The following MAPKBP1 variants were observed in gnomAD, a reference collection of about 807,000 sequenced individuals.
MAPKBP1 encodes the protein mitogen-activated protein kinase binding protein 1.
MAPKBP1 carries 71 observed loss-of-function variants against 170.5 expected under a neutral mutation model. The observed-to-expected ratio is 0.42, with a 90% CI of 0.34 to 0.51. The LOEUF is 0.51. MAPKBP1 is among the 20% of genes least tolerant of loss of function. MAPKBP1 has a pLI of 0.06. For missense variants in MAPKBP1, 1,598 were observed against 1,933.0 expected, an observed-to-expected ratio of 0.83 and a Z score of 3.25; for synonymous variants, 719 against 757.9, an observed-to-expected ratio of 0.95 and a Z score of 0.84.
rs1439119997 is a variant in MAPKBP1, at chr15:41,810,935, A to G, written c.259A>G (p.Asn87Asp). The G allele has an allele frequency of 6.2e-7, 1 of 1,614,162 alleles. No homozygotes were observed. The highest frequency in any genetic ancestry group is 8.5e-7 in the Non-Finnish European group (1 of 1,180,032). ...GAAACACAAACAGCACCACATCCTC[A>G]ACAGTTCCAGGTAAATGGGCTGGGG... ...PRKHKQHHIL[N>D]SSRKTITALA... The change falls in exon 4 of 31, where the codon AAC becomes GAC. Residue 87 changes from asparagine (N) to aspartate (D), a missense_variant. Around this residue, in one of 6 missense-constraint regions of MAPKBP1, gnomAD observed 151 missense variants for 191.4 expected, o/e 0.79. Coordinates refer to ENST00000457542, the MANE Select transcript of MAPKBP1 (RefSeq NM_014994.3).
Position 41,817,055 on chromosome 15 carries a change from GAC to G in MAPKBP1, c.1711+24_1711+25del, listed in dbSNP as rs768448579. The G allele has an allele frequency of 3.2e-6, 5 of 1,561,206 alleles. No individual in the cohort carries two copies. In the South Asian group the frequency reaches 3.6e-5, roughly 11 times the overall value. The stretch of plus-strand genomic sequence containing the variant: ...TTGCAGGTGCGGGCAGGGTGAATGA[GAC>G]ACATCCTGCCACTCTCACCCCTGCT... On this transcript the variant is annotated intron_variant, in intron 14 of 30. Coordinates refer to ENST00000457542, the MANE Select transcript of MAPKBP1 (RefSeq NM_014994.3). This position sits in a 1 kb window ranked among gnomAD's most constrained non-coding sequence, Gnocchi z 4.2.
rs1466798451 is a variant in MAPKBP1, at chr15:41,818,403, C to T, written c.2092+98C>T. On this transcript the variant is annotated intron_variant, in intron 18 of 30. Transcript: ENST00000457542. The surrounding 1 kb of genome is among the most constrained non-coding windows in gnomAD (Gnocchi z 5.2). ...TCACTCTTCTATTAGTTTCTTGGGA[C>T]CCGCAGAGCTACCTATCCCTACCCT... 2 of 1,385,394 alleles carry T rather than the reference C, an allele frequency of 1.4e-6. No homozygotes were observed. Among genetic ancestry groups the T allele is most frequent in the Non-Finnish European group, 2.0e-6 (2 of 982,070 alleles). The allele number at this position is 1,385,394 out of a possible 1,614,324, so 85.8% of individuals were successfully genotyped here. A position where few individuals can be genotyped will look rare whatever the true frequency, so the allele number is the denominator to read the frequency against.
intron 20 of MAPKBP1, 114 bp from the exon 21 acceptor site, chr15:41,819,132 C>T: frequency 1.4e-6 from 2 of 1,446,894 alleles, no homozygotes; most frequent in Non-Finnish European, 1.9e-6. Flanking sequence ...CTCCTCTCCC[C>T]CTATTGAGTC....
At position 41,823,842 on chromosome 15, in the gene MAPKBP1, C is replaced by G; in HGVS notation, c.3994C>G (p.His1332Asp). 1 of 1,614,202 alleles carries G rather than the reference C, an allele frequency of 6.2e-7. No individual in the cohort carries two copies. Among genetic ancestry groups the G allele is most frequent in the Non-Finnish European group, 8.5e-7 (1 of 1,180,030 alleles). ...CTTCCCGGTGGGCCTAGGAAAAGCT[C>G]ACAGTACAACTGAGAGATGGGCCTG... ...PGFPVGLGKA[H>D]STTERWACLG... The change falls in exon 29 of 31, where the codon CAC (histidine) becomes GAC (aspartate). Residue 1332 changes from histidine to aspartate, a missense_variant. Physicochemically the swap from His to Asp is moderately conservative, Grantham distance 81. Coordinates refer to ENST00000457542, the MANE Select transcript of MAPKBP1 (RefSeq NM_014994.3).
chr15:41,774,741 T>C (rs911832667), intron 1 of MAPKBP1, 131 bp downstream of exon 1: 5 of 399,190 alleles, frequency 1.3e-5, no homozygotes, highest in Non-Finnish European at 1.8e-5. Context: ...GGAGGGAGGC[T>C]CCCGTGGCAG....
At chr15:41,808,385 G>A (rs1010976986) in intron 3 of MAPKBP1, among the ~76,000 whole-genome samples, 1 of 151,334 alleles carries the variant, frequency 6.6e-6, no homozygotes, top group South Asian at 2.1e-4. Flanking sequence ...GATTACAGGC[G>A]TGAGCCACCA....
chr15:41,789,303 A>G (rs1288715687), intron 2 of MAPKBP1, among the ~76,000 whole-genome samples: 1 of 145,850 alleles, frequency 6.9e-6, no homozygotes, highest in Non-Finnish European at 1.5e-5. Context: ...AAAAAAAAAA[A>G]CTACAACTCC....
At chr15:41,799,406 G>A (rs888004085) in intron 2 of MAPKBP1, among the ~76,000 whole-genome samples, 5 of 152,140 alleles carry the variant, frequency 3.3e-5, no homozygotes, top group African/African-American at 1.2e-4. Context: ...AGGTCAGAGT[G>A]GCCTTTCCTT....
chr15:41,819,555 G>GGGGGGGGGGGGGGGGGGGGGA, intron 21 of MAPKBP1, 40 bp from the exon 22 acceptor site: 1 of 1,481,944 alleles, frequency 6.7e-7, no homozygotes, highest in Non-Finnish European at 9.3e-7. Context: ...GGCGGGGGGG[G>GGGGGGGGGGGGGGGGGGGGGA]GGCAGGAGAC....
At position 41,823,577 on chromosome 15, in the gene MAPKBP1, C is replaced by T; in HGVS notation, c.3729C>T (p.Asn1243=). The change falls in exon 29 of 31, where the codon AAC becomes AAT. Residue 1243 remains asparagine, a synonymous_variant. Transcript: ENST00000457542. The part of the protein sequence containing the change: ...GRPSRPHSYQ[N]PTTSSMAKIS... The stretch of plus-strand genomic sequence containing the variant: ...CGTCTCGGCCTCACTCCTATCAGAA[C>T]CCCACCACCAGTTCCATGGCCAAGA... The T allele has an allele frequency of 6.2e-7, 1 of 1,614,160 alleles. No individual in the cohort carries two copies. The highest frequency in any genetic ancestry group is 2.2e-5 in the East Asian group (1 of 44,878).
intron 2 of MAPKBP1, among the ~76,000 whole-genome samples, chr15:41,779,340 A>G (rs928062960): frequency 6.6e-6 from 1 of 152,028 alleles, no homozygotes; most frequent in African/African-American, 2.4e-5. Context: ...CCTCCTGAGT[A>G]GCTGGGATTA....
intron 2 of MAPKBP1, among the ~76,000 whole-genome samples, chr15:41,780,564 A>G (rs928817651): frequency 6.6e-5 from 10 of 152,188 alleles, no homozygotes; most frequent in African/African-American, 2.2e-4. Context: ...AGGATTTGTT[A>G]TATTATACTT....
intron 3 of MAPKBP1, among the ~76,000 whole-genome samples, chr15:41,801,517 A>G (rs900398138): frequency 3.3e-5 from 5 of 152,132 alleles, no homozygotes; most frequent in African/African-American, 1.2e-4. Context: ...TATACTAGAT[A>G]CATGATTTGC....
intron 3 of MAPKBP1, chr15:41,810,572 T>C: frequency 3.1e-6 from 1 of 320,462 alleles, no homozygotes; most frequent in Non-Finnish European, 5.7e-6. Context: ...ATACAAAGAT[T>C]AGCTTGCATG....
chr15:41,802,663 G>A (rs971641661), intron 3 of MAPKBP1, among the ~76,000 whole-genome samples: 1 of 152,098 alleles, frequency 6.6e-6, no homozygotes, highest in Non-Finnish European at 1.5e-5. Flanking sequence ...TAGTAGAGAT[G>A]GGGTTTCGCC....
Position 41,817,375 on chromosome 15 carries a change from C to G in MAPKBP1, c.1712-13C>G. On this transcript the variant is annotated splice_polypyrimidine_tract_variant and intron_variant, in intron 14 of 30. Coordinates refer to ENST00000457542, the MANE Select transcript of MAPKBP1 (RefSeq NM_014994.3). This position sits in a 1 kb window ranked among gnomAD's most constrained non-coding sequence, Gnocchi z 4.2. The stretch of plus-strand genomic sequence containing the variant: ...GAGAACAGTGGGAACAGCTGGGCTT[C>G]CCTCCTTCATAGCCAGTGATGGGCA... 2 of 1,614,066 alleles carry G rather than the reference C, an allele frequency of 1.2e-6. No homozygotes were observed. Among genetic ancestry groups the G allele is most frequent in the Non-Finnish European group, 1.7e-6 (2 of 1,179,920 alleles).
chr15:41,809,901 T>G (rs1251135807), intron 3 of MAPKBP1, among the ~76,000 whole-genome samples: 1 of 152,218 alleles, frequency 6.6e-6, no homozygotes, highest in Non-Finnish European at 1.5e-5. Flanking sequence ...TTCTCAGGTT[T>G]CTTGGGGCCA....
In MAPKBP1 at chr15:41,818,646, C is replaced by A; in HGVS notation, c.2156+64C>A. The A allele has an allele frequency of 6.5e-7, 1 of 1,540,588 alleles. No homozygotes were observed. The highest frequency in any genetic ancestry group is 8.9e-7 in the Non-Finnish European group (1 of 1,127,242). On this transcript the variant is annotated intron_variant, in intron 19 of 30. Coordinates refer to ENST00000457542, the MANE Select transcript of MAPKBP1 (RefSeq NM_014994.3). The surrounding 1 kb of genome is among the most constrained non-coding windows in gnomAD (Gnocchi z 5.2). ...CTCTGCCACAGCACCCTGCCCTCCC[C>A]TCTCTCCATTTCAGTGATGTCTCTG...
At chr15:41,822,897 T>C (rs771446731) in intron 27 of MAPKBP1, 42 bp from the exon 28 acceptor site, 2 of 1,567,888 alleles carry the variant, frequency 1.3e-6, no homozygotes, top group East Asian at 2.3e-5. Flanking sequence ...GGGAGGAGCA[T>C]TGAGCCTTCT....
Sources: allele counts gnomAD v4.1 joint callset (sites outside exome capture counted in the v4.1 genomes callset), GRCh38; gene constraint gnomAD v4.1.1; regional missense constraint gnomAD v4.1.1; non-coding constraint Gnocchi (gnomAD v3.1); transcripts MANE v1.5; gene names NCBI Gene and HGNC (gene_info 2026-07-23, HGNC 2026-07-21).